The following HMGCLL1 variants were observed in gnomAD, a reference collection of about 807,000 sequenced individuals.
HMGCLL1 encodes 3-hydroxymethyl-3-methylglutaryl-CoA lyase, cytoplasmic.
A neutral mutation model predicts 39.1 loss-of-function variants in HMGCLL1; 36 were observed. That is an observed-to-expected ratio of 0.92 (90% confidence interval 0.71 to 1.22). The LOEUF is 1.22. Among genes scored for constraint, HMGCLL1 ranks in the 50% most tolerant of loss-of-function variants. HMGCLL1 has a pLI of 0.00. For synonymous variants in HMGCLL1, 149 were observed against 144.0 expected (o/e 1.03, Z -0.25); for missense variants, 451 against 416.5 (o/e 1.08, Z -0.72).
At chr6:55,546,500 C>T (rs1769984436) in intron 1 of HMGCLL1, among the ~76,000 whole-genome samples, 1 of 152,058 alleles carries the variant, frequency 6.6e-6, no homozygotes, top group Admixed American at 6.6e-5. Context: ...TTTCTTTTAG[C>T]TAACACATGC....
At chr6:55,651,727 C>T in the HMGCLL1 span, among the ~76,000 whole-genome samples, 1 of 152,044 alleles carries the variant, frequency 6.6e-6, no homozygotes, top group African/African-American at 2.4e-5. Flanking sequence ...AGCACTTCAA[C>T]CCATGGCGGC....
At chr6:55,553,178 T>TACAC (rs140707918) in intron 1 of HMGCLL1, among the ~76,000 whole-genome samples, 1 of 30,596 alleles carries the variant, frequency 3.3e-5, no homozygotes, top group Admixed American at 5.3e-4. Flanking sequence ...TATATATACA[T>TACAC]ACACACACAC....
At chr6:55,511,607 G>A (rs1349388985) in intron 5 of HMGCLL1, among the ~76,000 whole-genome samples, 1 of 152,052 alleles carries the variant, frequency 6.6e-6, no homozygotes, top group East Asian at 1.9e-4. Flanking sequence ...ATATGTTGAT[G>A]CAGCTGTTAC....
the HMGCLL1 span, among the ~76,000 whole-genome samples, chr6:55,615,538 A>G: frequency 6.6e-6 from 1 of 152,180 alleles, no homozygotes; most frequent in Non-Finnish European, 1.5e-5. Flanking sequence ...TGTAATTAGG[A>G]CGGTTGGTAA....
At chr6:55,487,490 C>T (rs965556316) in intron 7 of HMGCLL1, among the ~76,000 whole-genome samples, 2 of 151,910 alleles carry the variant, frequency 1.3e-5, no homozygotes, top group African/African-American at 4.8e-5. Flanking sequence ...TGTTCCCCTT[C>T]CTGTGTCCAT....
At chr6:55,627,355 T>C in the HMGCLL1 span, among the ~76,000 whole-genome samples, 1 of 152,058 alleles carries the variant, frequency 6.6e-6, no homozygotes, top group Non-Finnish European at 1.5e-5. Flanking sequence ...GTAATAGTAT[T>C]TGGTTTGGGG....
At chr6:55,677,162 C>G in the HMGCLL1 span, among the ~76,000 whole-genome samples, 9 of 152,200 alleles carry the variant, frequency 5.9e-5, no homozygotes, top group East Asian at 1.7e-3. Context: ...TTTGGGAGGC[C>G]AAGGCAGGAG....
At chr6:55,460,052 C>T (rs1764489972) in intron 7 of HMGCLL1, among the ~76,000 whole-genome samples, 1 of 151,878 alleles carries the variant, frequency 6.6e-6, no homozygotes. Context: ...GTATTTTAGG[C>T]TGGTACCTAA....
At chr6:55,528,067 A>G (rs1375049929) in intron 3 of HMGCLL1, among the ~76,000 whole-genome samples, 1 of 152,060 alleles carries the variant, frequency 6.6e-6, no homozygotes, top group African/African-American at 2.4e-5. Context: ...AATTTTAAAA[A>G]TATATTTTTG....
chr6:55,559,814 G>A (rs142977951), intron 1 of HMGCLL1, among the ~76,000 whole-genome samples: 1 of 152,230 alleles, frequency 6.6e-6, no homozygotes, highest in Admixed American at 6.5e-5. Flanking sequence ...AAGAACACTG[G>A]CTTCCATAAT....
chr6:55,643,734 T>A, the HMGCLL1 span, among the ~76,000 whole-genome samples: 1 of 151,982 alleles, frequency 6.6e-6, no homozygotes, highest in South Asian at 2.1e-4. Context: ...CCTGGCTTAT[T>A]TCACTTAAAA....
chr6:55,671,622 A>G, the HMGCLL1 span, among the ~76,000 whole-genome samples: 1 of 151,784 alleles, frequency 6.6e-6, no homozygotes, highest in Non-Finnish European at 1.5e-5. Context: ...ATTTATTCAT[A>G]TTTAAATGTT....
At chr6:55,447,447 T>C (rs1477091880) in intron 7 of HMGCLL1, among the ~76,000 whole-genome samples, 13 of 152,004 alleles carry the variant, frequency 8.6e-5, no homozygotes. Context: ...ATCAAAATAA[T>C]TAGACTTCTC....
chr6:55,496,199 T>C (rs1055030389), intron 6 of HMGCLL1, among the ~76,000 whole-genome samples: 2 of 152,028 alleles, frequency 1.3e-5, no homozygotes, highest in Non-Finnish European at 2.9e-5. Context: ...TGCAGACAAA[T>C]CCCATAGCAT....
At chr6:55,608,981 C>G in the HMGCLL1 span, among the ~76,000 whole-genome samples, 2 of 152,192 alleles carry the variant, frequency 1.3e-5, no homozygotes, top group Non-Finnish European at 2.9e-5. Context: ...AGGCCCTACC[C>G]CCAGCCAAGG....
At chr6:55,504,016 C>T (rs1366073376) in intron 5 of HMGCLL1, among the ~76,000 whole-genome samples, 1 of 151,704 alleles carries the variant, frequency 6.6e-6, no homozygotes, top group Non-Finnish European at 1.5e-5. Context: ...GATTTGATTA[C>T]ATATTTTTCC....
intron 1 of HMGCLL1, among the ~76,000 whole-genome samples, chr6:55,542,756 G>A (rs952928085): frequency 8.8e-5 from 13 of 147,044 alleles, no homozygotes; most frequent in Non-Finnish European, 1.9e-4. Context: ...TCCAGCCTTG[G>A]TGACAGTGCG....
chr6:55,459,885 GTA>G (rs1173852330), intron 7 of HMGCLL1, among the ~76,000 whole-genome samples: 1 of 151,924 alleles, frequency 6.6e-6, no homozygotes, highest in Non-Finnish European at 1.5e-5. Flanking sequence ...ATATAACTCT[GTA>G]TATGTGTGTG....
chr6:55,565,292 G>T (rs1771159974), intron 1 of HMGCLL1, among the ~76,000 whole-genome samples: 1 of 151,816 alleles, frequency 6.6e-6, no homozygotes, highest in Non-Finnish European at 1.5e-5. Context: ...GATCTTCTTT[G>T]CAAAACTCTA....
Sources: gnomAD v4.1 joint callset for allele counts (sites outside exome capture counted in the v4.1 genomes callset) on GRCh38, gnomAD v4.1.1 for gene constraint, MANE v1.5 for transcripts, NCBI Gene and HGNC (gene_info 2026-07-23, HGNC 2026-07-21) for gene names.